Variants in NBAS observed in about 807,000 individuals in gnomAD.
The protein encoded by NBAS is NBAS subunit of NRZ tethering complex.
A neutral mutation model predicts 302.5 loss-of-function variants in NBAS; 219 were observed. The ratio of observed to expected loss-of-function variants is 0.72; its 90% confidence interval spans 0.65 to 0.81. The LOEUF is 0.81. Among genes scored for constraint, NBAS ranks in the 30% least tolerant of loss-of-function variants. The probability of loss-of-function intolerance (pLI) is 0.00; values close to 1 mark genes in which losing one functional copy is unlikely to be tolerated. For synonymous variants in NBAS, 1,118 were observed against 1,021.6 expected, an observed-to-expected ratio of 1.09 and a Z score of -1.80; for missense variants, 2,932 against 2,841.6, an observed-to-expected ratio of 1.03 and a Z score of -0.72.
At chr2:14,949,731 T>C in the NBAS span, among the ~76,000 whole-genome samples, 1 of 152,212 alleles carries the variant, frequency 6.6e-6, no homozygotes, top group Admixed American at 6.5e-5. Flanking sequence ...GGTGAAATCC[T>C]GTCATTTGCA....
In NBAS at chr2:15,396,397, C is replaced by A. The variant is rs749151526; in HGVS notation, c.3134+16G>T. The A allele has an allele frequency of 1.3e-5, 20 of 1,571,854 alleles. No homozygotes were observed. Among genetic ancestry groups the A allele is most frequent in the African/African-American group, 2.7e-5 (2 of 72,976 alleles). ...TAATAAGCATGGAGAAAAAAAAAAA[C>A]TGTCATTTTTCTCACCTGAGAATTT... is the stretch of plus-strand genomic sequence containing the variant. On this transcript the variant is annotated intron_variant, in intron 27 of 51. Transcript: ENST00000281513.
intron 7 of NBAS, among the ~76,000 whole-genome samples, chr2:15,537,407 C>A (rs991847359): frequency 2.0e-5 from 3 of 152,184 alleles, no homozygotes; most frequent in African/African-American, 7.2e-5. Flanking sequence ...CACTTTCCCA[C>A]AATTTACCAC....
chr2:14,962,378 A>C, the NBAS span, among the ~76,000 whole-genome samples: 1 of 152,274 alleles, frequency 6.6e-6, no homozygotes, highest in Non-Finnish European at 1.5e-5. Context: ...AATTTCTTAA[A>C]TTTTTCAGAA....
intron 13 of NBAS, among the ~76,000 whole-genome samples, chr2:15,476,824 G>A (rs1042686476): frequency 6.6e-6 from 1 of 152,124 alleles, no homozygotes; most frequent in Non-Finnish European, 1.5e-5. Flanking sequence ...AATATCACCT[G>A]TTATACAAAA....
At chr2:15,389,115 G>A (rs919326134) in intron 28 of NBAS, among the ~76,000 whole-genome samples, 4 of 152,148 alleles carry the variant, frequency 2.6e-5, no homozygotes, top group African/African-American at 9.7e-5. Flanking sequence ...AGTTATGCTG[G>A]AAGTGTAAGG....
At chr2:14,993,946 C>T in the NBAS span, among the ~76,000 whole-genome samples, 14 of 152,118 alleles carry the variant, frequency 9.2e-5, no homozygotes, top group East Asian at 5.8e-4. Context: ...GTCCCCAGTC[C>T]GGAAGACAGA....
At chr2:15,020,202 T>C in the NBAS span, among the ~76,000 whole-genome samples, 1 of 152,146 alleles carries the variant, frequency 6.6e-6, no homozygotes, top group African/African-American at 2.4e-5. Flanking sequence ...ATTTAAATAT[T>C]CCAAAAAGGT....
the NBAS span, among the ~76,000 whole-genome samples, chr2:15,123,349 G>A: frequency 7.9e-5 from 12 of 152,144 alleles, no homozygotes; most frequent in African/African-American, 2.7e-4. Flanking sequence ...ATCGGAGCTC[G>A]TCATAGGTTG....
At chr2:15,177,932 C>G (rs1422967427) in intron 51 of NBAS, 3 of 315,570 alleles carry the variant, frequency 9.5e-6, no homozygotes, top group African/African-American at 6.5e-5. Flanking sequence ...AAAAACACAT[C>G]TAAATGAATA....
At chr2:14,929,418 G>A in the NBAS span, among the ~76,000 whole-genome samples, 22 of 152,238 alleles carry the variant, frequency 1.4e-4, no homozygotes, top group Non-Finnish European at 2.4e-4. Flanking sequence ...TCACTCTGTC[G>A]CCAGGCTGGA....
chr2:15,304,076 T>C (rs988882071), intron 40 of NBAS, among the ~76,000 whole-genome samples: 1 of 152,158 alleles, frequency 6.6e-6, no homozygotes, highest in East Asian at 1.9e-4. Flanking sequence ...GCTGATATGG[T>C]TAGGTTTGTG....
At chr2:15,152,352 A>G in the NBAS span, among the ~76,000 whole-genome samples, 1 of 152,132 alleles carries the variant, frequency 6.6e-6, no homozygotes, top group Non-Finnish European at 1.5e-5. Flanking sequence ...AAAATGGGGG[A>G]ATTGTTAAAT....
the NBAS span, among the ~76,000 whole-genome samples, chr2:15,058,590 T>C: frequency 6.6e-6 from 1 of 152,180 alleles, no homozygotes; most frequent in African/African-American, 2.4e-5. Context: ...ATATAGAGCA[T>C]TTAACACTCA....
downstream of NBAS, among the ~76,000 whole-genome samples, chr2:15,166,704 C>T (rs1664035095): frequency 1.3e-5 from 2 of 152,308 alleles, no homozygotes; most frequent in East Asian, 1.9e-4. Context: ...ATTCTGCACA[C>T]TCCCTCCCTT....
chr2:15,386,727 T>C (rs149955491), intron 28 of NBAS, among the ~76,000 whole-genome samples: 2 of 152,312 alleles, frequency 1.3e-5, no homozygotes, highest in East Asian at 3.9e-4. Context: ...GACTACTAGG[T>C]CAAAAAGTTG....
chr2:15,265,129 G>A (rs1435378111), intron 44 of NBAS, among the ~76,000 whole-genome samples: 1 of 152,178 alleles, frequency 6.6e-6, no homozygotes, highest in Non-Finnish European at 1.5e-5. Context: ...GTAAGACATT[G>A]TATAGGCTGA....
At chr2:15,319,419 G>A (rs1671682785) in intron 38 of NBAS, among the ~76,000 whole-genome samples, 1 of 151,894 alleles carries the variant, frequency 6.6e-6, no homozygotes, top group Non-Finnish European at 1.5e-5. Flanking sequence ...GAAGGAGATA[G>A]AGACACAAAA....
At chr2:15,456,842 A>C (rs946695904) in intron 21 of NBAS, among the ~76,000 whole-genome samples, 3 of 152,214 alleles carry the variant, frequency 2.0e-5, no homozygotes, top group African/African-American at 7.2e-5. Context: ...AGGAAGGCCA[A>C]GGAAGATCAG....
At chr2:15,267,998 C>T (rs1187128489) in intron 44 of NBAS, among the ~76,000 whole-genome samples, 1 of 152,128 alleles carries the variant, frequency 6.6e-6, no homozygotes, top group Non-Finnish European at 1.5e-5. Context: ...AAAAGATGTA[C>T]TATTATAGTG....
Sources: gnomAD v4.1 joint callset for allele counts (sites outside exome capture counted in the v4.1 genomes callset) on GRCh38, gnomAD v4.1.1 for gene constraint, MANE v1.5 for transcripts, NCBI Gene and HGNC (gene_info 2026-07-23, HGNC 2026-07-21) for gene names.